Variants in BRWD3 observed in about 807,000 individuals in gnomAD.
The protein encoded by BRWD3 is bromodomain and WD repeat domain containing 3.
In BRWD3, 10 loss-of-function variants were observed where a neutral mutation model predicts 149.7. The observed-to-expected ratio is 0.07, with a 90% CI of 0.04 to 0.11. BRWD3 has a LOEUF of 0.11. BRWD3 is among the 10% of genes least tolerant of loss of function. The probability of loss-of-function intolerance (pLI) is 1.00; values close to 1 mark genes in which losing one functional copy is unlikely to be tolerated. For missense variants in BRWD3, 940 were observed against 1,373.2 expected (o/e 0.68, Z 4.99); for synonymous variants, 504 against 456.7 (o/e 1.10, Z -1.32).
chrX:80,750,191 C>A (rs756132926), intron 6 of BRWD3, among the ~76,000 whole-genome samples: 1 of 111,339 alleles, frequency 9.0e-6, no homozygotes, highest in South Asian at 3.8e-4. Context: ...CCAATGATTT[C>A]TTGGGTAGGA....
intron 30 of BRWD3, 69 bp from the exon 31 acceptor site, chrX:80,691,242 A>G: frequency 9.2e-7 from 1 of 1,083,321 alleles, no homozygotes; most frequent in Non-Finnish European, 1.3e-6. Context: ...ACAAACATTT[A>G]TTCATATATA....
At chrX:80,780,200 T>TCTA (rs2074042338) in intron 6 of BRWD3, among the ~76,000 whole-genome samples, 1 of 111,037 alleles carries the variant, frequency 9.0e-6, no homozygotes, top group Admixed American at 9.7e-5. Flanking sequence ...AAGTTCTATC[T>TCTA]CTATAAAGTA....
chrX:80,682,286 T>C (rs922135534), intron 38 of BRWD3, among the ~76,000 whole-genome samples, 179 bp downstream of exon 38: 1 of 111,706 alleles, frequency 9.0e-6, no homozygotes, highest in Non-Finnish European at 1.9e-5. Context: ...GTTTCTGGGA[T>C]AGTAAAACCC....
intron 6 of BRWD3, among the ~76,000 whole-genome samples, chrX:80,782,346 C>G (rs780242549): frequency 9.0e-6 from 1 of 111,211 alleles, no homozygotes; most frequent in Non-Finnish European, 1.9e-5. Context: ...TCGCCATATA[C>G]AAGAATCAAA....
Position 80,769,374 on chromosome X carries a change from C to G in BRWD3, c.430+22480G>C, listed in dbSNP as rs1046605913. Among the ~76,000 whole-genome samples, 8 of 111,458 alleles carry G rather than the reference C, an allele frequency of 7.2e-5. No homozygotes were observed. In the Admixed American group the frequency reaches 7.7e-4, roughly 11 times the overall value. On this transcript the variant is annotated intron_variant, in intron 6 of 40. Transcript: ENST00000373275. ...ACTCCTCAGCAAATGTAAAAGAACA[C>G]AAATTATAACAAACTGTCTCTCAGA...
intron 36 of BRWD3, among the ~76,000 whole-genome samples, chrX:80,684,542 C>T (rs2072496421): frequency 1.8e-5 from 2 of 111,859 alleles, no homozygotes; most frequent in African/African-American, 6.5e-5. Context: ...TTCCACTCTA[C>T]AAATTAGGCA....
intron 20 of BRWD3, among the ~76,000 whole-genome samples, chrX:80,712,534 C>T (rs1245369983): frequency 9.0e-6 from 1 of 111,060 alleles, no homozygotes; most frequent in Non-Finnish European, 1.9e-5. Context: ...CTTGGCCTCC[C>T]AAAGTGCCGA....
chrX:80,773,931 C>T (rs186349450), intron 6 of BRWD3, among the ~76,000 whole-genome samples: 2 of 112,554 alleles, frequency 1.8e-5, no homozygotes, highest in African/African-American at 6.5e-5. Flanking sequence ...AATTCCTTCA[C>T]AGCAACAACT....
In BRWD3 at chrX:80,791,907, T is replaced by C. The variant is rs1292794756; in HGVS notation, c.377A>G (p.His126Arg). 1.7e-6 allele frequency: 2 copies of C among 1,208,493 alleles called. No homozygotes were observed. Among genetic ancestry groups the C allele is most frequent in the Non-Finnish European group, 2.2e-6 (2 of 893,058 alleles). Residue 126 changes from histidine to arginine, a missense_variant, in exon 6 of 41, where the codon CAT (histidine) becomes CGT (arginine). Coordinates refer to ENST00000373275, the MANE Select transcript of BRWD3 (RefSeq NM_153252.5). ...LWNGSAFAAL[H>R]RGRPPELPVN... ...AGGTAGTTCTGGAGGTCTGCCTCTA[T>C]GCAGAGCCGCAAAAGCAGACCCATT...
chrX:80,676,738 A>G lies in BRWD3; in HGVS notation c.5280T>C (p.Asn1760=). 6 of 1,211,292 alleles carry G rather than the reference A, an allele frequency of 5.0e-6. No individual in the cohort carries two copies. The highest frequency in any genetic ancestry group is 6.7e-6 in the Non-Finnish European group (6 of 895,354). ...CAAAATTGTCATTATCAGAATCATC[A>G]TTATATAAAACAGTCCTCCTGCCTT... is the stretch of plus-strand genomic sequence containing the variant. ...RNQGRRTVLY[N]DDSDNDNFVS... Residue 1760 remains asparagine (N), a synonymous_variant, in exon 41 of 41, where the codon AAT becomes AAC. Transcript: ENST00000373275.
chrX:80,727,647 G>A (rs988559544), intron 14 of BRWD3, among the ~76,000 whole-genome samples: 5 of 111,271 alleles, frequency 4.5e-5, no homozygotes, highest in African/African-American at 6.5e-5. Flanking sequence ...AGTAAAGCAA[G>A]GTGACATAAT....
chrX:80,809,466 C>T lies in BRWD3; in HGVS notation c.6G>A (p.Ala2=), dbSNP rs1414304184. ...CGGCTTCGATCTGGGTAGGTGCTGC[C>T]GCCATCCTTTTCCCGAGGGGGTTTG... M[A]AAPTQIEAEL... Residue 2 remains alanine, a synonymous_variant, in exon 1 of 41, where the codon GCG becomes GCA. Transcript: ENST00000373275. 1.7e-6 allele frequency: 2 copies of T among 1,168,765 alleles called. No homozygotes were observed. Among genetic ancestry groups the T allele is most frequent in the Non-Finnish European group, 2.3e-6 (2 of 872,273 alleles).
In BRWD3 at chrX:80,703,607, A is replaced by G; in HGVS notation, c.2722-14T>C. 4.5e-6 allele frequency: 5 copies of G among 1,110,660 alleles called. No individual in the cohort carries two copies. The highest frequency in any genetic ancestry group is 6.2e-6 in the Non-Finnish European group (5 of 809,372). The allele number at this position is 1,110,660 out of a possible 1,213,427, so 91.5% of individuals were successfully genotyped here. A position where few individuals can be genotyped will look rare whatever the true frequency, so the allele number is the denominator to read the frequency against. ...CAGTCCTCCTTTCTAAAACATAAAT[A>G]CACGAAAAGTATATGTATAAAACAC... On this transcript the variant is annotated splice_polypyrimidine_tract_variant and intron_variant, in intron 23 of 40. Coordinates refer to ENST00000373275, the MANE Select transcript of BRWD3 (RefSeq NM_153252.5).
At chrX:80,766,883 C>T (rs2073864643) in intron 6 of BRWD3, among the ~76,000 whole-genome samples, 1 of 112,087 alleles carries the variant, frequency 8.9e-6, no homozygotes, top group Admixed American at 9.4e-5. Flanking sequence ...GAGACAGCAC[C>T]TGGAAAACTG....
intron 16 of BRWD3, 77 bp from the exon 17 acceptor site, chrX:80,722,864 A>G (rs1602352328): frequency 2.2e-6 from 2 of 904,992 alleles, no homozygotes; most frequent in East Asian, 6.4e-5. Context: ...CCTTGAGCAC[A>G]CTCATTTTTT....
chrX:80,752,956 C>T (rs897643915), intron 6 of BRWD3, among the ~76,000 whole-genome samples: 12 of 112,143 alleles, frequency 1.1e-4, no homozygotes, highest in African/African-American at 1.9e-4. Flanking sequence ...TGAACCACCA[C>T]GCCTGGCCGA....
rs766147679 is a variant in BRWD3 at position 80,691,856 on chromosome X, C to T, written c.3448G>A (p.Val1150Ile). Residue 1150 changes from valine (V) to isoleucine (I), a missense_variant, in exon 30 of 41, where the codon GTT (valine) becomes ATT (isoleucine). Coordinates refer to ENST00000373275, the MANE Select transcript of BRWD3 (RefSeq NM_153252.5). ...AHSRDEECER[V>I]IQGINHLLSL... is the part of the protein sequence containing the mutation. Reference sequence around the variant, plus strand: ...AGAAGGTGGTTGATGCCCTGAATAACCCGTTCACATTCTTCGTCTCTGGAA... The same window carrying T: ...AGAAGGTGGTTGATGCCCTGAATAATCCGTTCACATTCTTCGTCTCTGGAA... 2.5e-6 allele frequency: 3 copies of T among 1,210,894 alleles called. No individual in the cohort carries two copies. The highest frequency in any genetic ancestry group is 2.2e-6 in the Non-Finnish European group (2 of 895,307).
chrX:80,712,941 T>C (rs370332815), intron 20 of BRWD3, among the ~76,000 whole-genome samples: 3 of 82,836 alleles, frequency 3.6e-5, no homozygotes, highest in East Asian at 7.4e-4. Flanking sequence ...AGTGAGGAGC[T>C]CCTCCGCCCG....
intron 15 of BRWD3, 144 bp downstream of exon 15, chrX:80,724,789 C>A: frequency 1.4e-6 from 1 of 692,006 alleles, no homozygotes; most frequent in Non-Finnish European, 2.2e-6. Flanking sequence ...ATTCTCAATT[C>A]TTGAGTTATT....
Sources: gnomAD v4.1 joint callset for allele counts (sites outside exome capture counted in the v4.1 genomes callset) on GRCh38, gnomAD v4.1.1 for gene constraint, MANE v1.5 for transcripts, NCBI Gene and HGNC (gene_info 2026-07-23, HGNC 2026-07-21) for gene names.